CSMD1: variants seen among roughly 807,000 people sequenced by gnomAD.
The protein encoded by CSMD1 is CUB and Sushi multiple domains 1, also known as CUB and sushi domain-containing protein 1.
In CSMD1, 213 loss-of-function variants were observed where a neutral mutation model predicts 417.5. The ratio of observed to expected loss-of-function variants is 0.51; its 90% CI spans 0.46 to 0.57. CSMD1 has a LOEUF of 0.57. Ranked by LOEUF, CSMD1 falls within the 20% of genes least tolerant of loss-of-function variation. The probability of loss-of-function intolerance (pLI) is 0.00; values close to 1 mark genes in which losing one functional copy is unlikely to be tolerated. For synonymous variants in CSMD1, 2,862 were observed against 1,736.8 expected, an observed-to-expected ratio of 1.65 and a Z score of -16.11; for missense variants, 6,923 against 4,529.7, an observed-to-expected ratio of 1.53 and a Z score of -15.17.
intron 5 of CSMD1, among the ~76,000 whole-genome samples, chr8:3,949,225 G>A (rs868774683): frequency 1.3e-5 from 2 of 152,064 alleles, no homozygotes; most frequent in African/African-American, 2.4e-5. Context: ...AAAATCTTCT[G>A]TTAGCAATTT....
At chr8:4,793,342 A>G (rs760065082) in intron 1 of CSMD1, among the ~76,000 whole-genome samples, 8 of 152,140 alleles carry the variant, frequency 5.3e-5, no homozygotes, top group South Asian at 2.1e-4. Context: ...TTATAGTACT[A>G]TAACTACTAC....
chr8:4,903,153 A>G (rs1024584084), intron 1 of CSMD1, among the ~76,000 whole-genome samples: 5 of 152,140 alleles, frequency 3.3e-5, no homozygotes, highest in East Asian at 3.9e-4. Context: ...TTAATCTTGA[A>G]CAGTTTGTAA....
intron 2 of CSMD1, among the ~76,000 whole-genome samples, chr8:4,633,094 G>T (rs561148262): frequency 5.0e-4 from 76 of 152,144 alleles, no homozygotes; most frequent in Non-Finnish European, 9.3e-4. Flanking sequence ...CAGTGTTCCC[G>T]AGAGGGGAGC....
At chr8:3,002,381 G>A (rs1018548845) in intron 52 of CSMD1, among the ~76,000 whole-genome samples, 18 of 152,164 alleles carry the variant, frequency 1.2e-4, no homozygotes, top group Non-Finnish European at 2.6e-4. Flanking sequence ...ACGAGGACTG[G>A]TGAGAGCCAG....
chr8:4,689,480 T>C (rs1806617960), intron 1 of CSMD1, among the ~76,000 whole-genome samples: 1 of 152,110 alleles, frequency 6.6e-6, no homozygotes, highest in Non-Finnish European at 1.5e-5. Context: ...GAAAAAAGGG[T>C]TTTCTTTATG....
intron 5 of CSMD1, among the ~76,000 whole-genome samples, chr8:3,990,069 G>A (rs959066510): frequency 6.6e-6 from 1 of 152,182 alleles, no homozygotes; most frequent in Non-Finnish European, 1.5e-5. Flanking sequence ...GACTAAAATG[G>A]AGTGGGCGCA....
chr8:3,966,924 C>T (rs2740822), intron 5 of CSMD1, among the ~76,000 whole-genome samples: 83,071 of 152,066 alleles, frequency 0.55, 22,977 homozygotes, highest in East Asian at 0.79. Flanking sequence ...AATTAAAAGG[C>T]TGGTCTTTAT....
intron 48 of CSMD1, among the ~76,000 whole-genome samples, chr8:3,087,693 A>T (rs1166522156): frequency 6.6e-6 from 1 of 152,236 alleles, no homozygotes; most frequent in Non-Finnish European, 1.5e-5. Flanking sequence ...AAAGTTTACA[A>T]ATCTGTGTTG....
At position 3,701,881 on chromosome 8, in the gene CSMD1, G is replaced by A. The variant is rs186100425; in HGVS notation, c.1009+6533C>T. ...GAGGGAGATGGAACCACTGTGTGTC[G>A]TTATGAAGGACAAGAGTCCATCAGT... On this transcript the variant is annotated intron_variant, in intron 7 of 69. Transcript: ENST00000635120. 2.0e-4 allele frequency among the ~76,000 whole-genome samples: 30 copies of A among 152,226 alleles called. No individual in the cohort carries two copies. In the East Asian group the frequency reaches 3.1e-3, roughly 16 times the overall value.
intron 3 of CSMD1, among the ~76,000 whole-genome samples, chr8:4,156,253 C>G (rs1796827905): frequency 1.3e-5 from 2 of 152,140 alleles, no homozygotes; most frequent in South Asian, 4.1e-4. Context: ...TTTTTACTAA[C>G]TTTTTAATTA....
At chr8:4,941,455 T>C (rs1563823839) in intron 1 of CSMD1, among the ~76,000 whole-genome samples, 1 of 152,186 alleles carries the variant, frequency 6.6e-6, no homozygotes, top group East Asian at 1.9e-4. Context: ...GTACAACAAG[T>C]GTGCCACAAT....
At chr8:4,399,595 T>G (rs904069707) in intron 3 of CSMD1, among the ~76,000 whole-genome samples, 8 of 152,272 alleles carry the variant, frequency 5.3e-5, no homozygotes, top group Admixed American at 5.2e-4. Context: ...CCCTGGATCT[T>G]GCCATATTTG....
chr8:4,235,194 C>G (rs1050170420), intron 3 of CSMD1, among the ~76,000 whole-genome samples: 1 of 152,100 alleles, frequency 6.6e-6, no homozygotes, highest in Non-Finnish European at 1.5e-5. Flanking sequence ...TCTCTCCTGT[C>G]CAAACTCAAG....
In CSMD1 at chr8:4,875,257, C is replaced by T. The variant is rs1269884924; in HGVS notation, c.85+119075G>A. 4.6e-5 allele frequency among the ~76,000 whole-genome samples: 7 copies of T among 151,946 alleles called. No individual in the cohort carries two copies. The South Asian group carries it at 1.2e-3, about 27-fold the overall frequency. On this transcript the variant is annotated intron_variant, in intron 1 of 69. Coordinates refer to ENST00000635120, the MANE Select transcript of CSMD1 (RefSeq NM_033225.6). ...GAATTATATATGAACAAGCGCTATA[C>T]CCAAGTCCTCTGGTAATATACAAGC...
intron 1 of CSMD1, among the ~76,000 whole-genome samples, chr8:4,729,930 A>G (rs1321202902): frequency 6.6e-6 from 1 of 152,156 alleles, no homozygotes; most frequent in Non-Finnish European, 1.5e-5. Flanking sequence ...CATCCTTTCC[A>G]TGGAATGACT....
intron 25 of CSMD1, among the ~76,000 whole-genome samples, chr8:3,294,909 C>A (rs185301817): frequency 6.6e-6 from 1 of 152,046 alleles, no homozygotes; most frequent in African/African-American, 2.4e-5. Flanking sequence ...CCGTCTTCTG[C>A]GTCATTCATG....
At chr8:4,674,670 A>G (rs918233415) in intron 1 of CSMD1, among the ~76,000 whole-genome samples, 1 of 152,220 alleles carries the variant, frequency 6.6e-6, no homozygotes, top group African/African-American at 2.4e-5. Context: ...AACAATAACA[A>G]CAACAAAAAC....
intron 6 of CSMD1, among the ~76,000 whole-genome samples, chr8:3,710,232 T>G (rs1278687131): frequency 6.6e-6 from 1 of 152,140 alleles, no homozygotes; most frequent in South Asian, 2.1e-4. Flanking sequence ...GAACAGAGTC[T>G]AAAAATAAGT....
chr8:4,217,413 C>G (rs73496594), intron 3 of CSMD1, among the ~76,000 whole-genome samples: 387 of 152,180 alleles, frequency 2.5e-3, no homozygotes, highest in African/African-American at 9.0e-3. Context: ...TATAGTTTGA[C>G]ACATTTTATA....
Sources: gnomAD v4.1 joint callset for allele counts (sites outside exome capture counted in the v4.1 genomes callset) on GRCh38, gnomAD v4.1.1 for gene constraint, MANE v1.5 for transcripts, NCBI Gene and HGNC (gene_info 2026-07-23, HGNC 2026-07-21) for gene names.